The following IRX2 variants were observed in gnomAD, a reference collection of about 807,000 sequenced individuals.
The protein encoded by IRX2 is iroquois-class homeodomain protein IRX-2.
In IRX2, 26 loss-of-function variants were observed where a neutral mutation model predicts 42.9. That is an observed-to-expected ratio of 0.61 (90% CI 0.44 to 0.84). The LOEUF is 0.84. Ranked by LOEUF, IRX2 falls within the 40% of genes least tolerant of loss-of-function variation. The pLI is 0.00. For synonymous variants in IRX2, 424 were observed against 353.9 expected (o/e 1.20, Z -2.22); for missense variants, 782 against 713.9 (o/e 1.10, Z -1.09).
chr5:2,751,207 C>T lies in IRX2; in HGVS notation c.207G>A (p.Ser69=). The part of the protein sequence containing the change: ...ATGFGSPLQY[S]ADAAAAAAGF... ...CGGCGGCGGCGGCGGCGGCGTCGGC[C>T]GAGTACTGCAGCGGGCTCCCGAAGC... is the stretch of plus-strand genomic sequence containing the variant. Residue 69 remains serine, a synonymous_variant, in exon 1 of 4, where the codon TCG becomes TCA. Transcript: ENST00000302057. The surrounding 1 kb of genome is among the most constrained non-coding windows in gnomAD (Gnocchi z 4.0). 7.6e-7 allele frequency: 1 copy of T among 1,311,204 alleles called. No individual in the cohort carries two copies. The highest frequency in any genetic ancestry group is 9.7e-7 in the Non-Finnish European group (1 of 1,031,960). The allele number at this position is 1,311,204 out of a possible 1,614,324, so 81.2% of individuals were successfully genotyped here. A position where few individuals can be genotyped will look rare whatever the true frequency, so the allele number is the denominator to read the frequency against.
At chr5:2,735,654 A>G in the IRX2 span, among the ~76,000 whole-genome samples, 1 of 152,232 alleles carries the variant, frequency 6.6e-6, no homozygotes, top group Admixed American at 6.5e-5. Context: ...ATTTTTTAAA[A>G]AATCAAACAT....
chr5:2,748,584 G>A lies in IRX2; in HGVS notation c.1124C>T (p.Ser375Leu). ...APPGGSPYPA[S>L]PLLGRPLYYT... is the part of the protein sequence containing the mutation. ...GTAGAGGGGGCGGCCCAGCAGCGGC[G>A]AGGCAGGGTAGGGCGAGCCTCCTGG... Residue 375 changes from serine to leucine, a missense_variant, in exon 3 of 4, where the codon TCG becomes TTG. By Grantham distance (145) the Ser-to-Leu change is moderately radical (BLOSUM62 -2). Coordinates refer to ENST00000302057, the MANE Select transcript of IRX2 (RefSeq NM_033267.5). 3 of 1,556,778 alleles carry A rather than the reference G, an allele frequency of 1.9e-6. No individual in the cohort carries two copies. Among genetic ancestry groups the A allele is most frequent in the East Asian group, 2.7e-5 (1 of 37,582 alleles).
the IRX2 span, among the ~76,000 whole-genome samples, chr5:2,735,748 G>A: frequency 3.9e-5 from 6 of 152,290 alleles, no homozygotes; most frequent in African/African-American, 1.4e-4. Flanking sequence ...GAAGTTAGAA[G>A]GAAACTGAGA....
At position 2,748,973 on chromosome 5, in the gene IRX2, G is replaced by T. The variant is rs547689845; in HGVS notation, c.735C>A (p.Ala245=). Residue 245 remains alanine (A), a synonymous_variant, in exon 3 of 4, where the codon GCC becomes GCA. Transcript: ENST00000302057. ...AGCCCGATTCGCACAGGGGGTCCCC[G>T]GCGCGGCACGGAAGCTTCTCCCCGT... is the stretch of plus-strand genomic sequence containing the variant. ...ESDGEKLPCR[A]GDPLCESGSE... 9.4e-6 allele frequency: 15 copies of T among 1,597,340 alleles called. No individual in the cohort carries two copies. In the East Asian group the frequency reaches 3.1e-4, roughly 33 times the overall value.
At chr5:2,745,988 G>A (rs1378532258), downstream of IRX2, 2 of 146,546 alleles carry the variant, frequency 1.4e-5, no homozygotes, top group Admixed American at 6.9e-5. Context: ...TGTTTCTCCC[G>A]ATTATATACT....
At chr5:2,740,691 G>A in the IRX2 span, among the ~76,000 whole-genome samples, 3 of 152,206 alleles carry the variant, frequency 2.0e-5, no homozygotes, top group African/African-American at 4.8e-5. Flanking sequence ...ACGCGCCTGC[G>A]GGGAAGGACG....
chr5:2,751,301 C>CGCGCCAGCTCCTCGCT lies in IRX2; in HGVS notation c.97_112dup (p.Arg38GlnfsTer157). On this transcript the variant is annotated frameshift_variant, in exon 1 of 4. Coordinates refer to ENST00000302057, the MANE Select transcript of IRX2 (RefSeq NM_033267.5). LOFTEE classifies it high-confidence loss of function. The surrounding 1 kb of genome is among the most constrained non-coding windows in gnomAD (Gnocchi z 4.0). ...GCTGAACGCCGAGCCCGACGCCGAG[C>CGCGCCAGCTCCTCGCT]GCGCCAGCTCCTCGCTGCGCGGAGC... 1 of 1,432,718 alleles carries CGCGCCAGCTCCTCGCT rather than the reference C, an allele frequency of 7.0e-7. No individual in the cohort carries two copies. The highest frequency in any genetic ancestry group is 9.1e-7 in the Non-Finnish European group (1 of 1,093,242). 88.8% of individuals were successfully genotyped at this position (1,432,718 alleles called of 1,614,324 possible). A position where few individuals can be genotyped will look rare whatever the true frequency, so the allele number is the denominator to read the frequency against.
the IRX2 span, among the ~76,000 whole-genome samples, chr5:2,737,520 G>T: frequency 6.6e-6 from 1 of 152,328 alleles, no homozygotes; most frequent in Admixed American, 6.5e-5. Context: ...GCTTTCAGGG[G>T]CAGTCATTTG....
chr5:2,739,194 G>A, the IRX2 span, among the ~76,000 whole-genome samples: 3 of 152,244 alleles, frequency 2.0e-5, no homozygotes, highest in Admixed American at 2.0e-4. Context: ...GGGGCCCGCG[G>A]GGAGCGGTGC....
rs145305475 is a variant in IRX2 at position 2,750,215 on chromosome 5, A to G, written c.250-428T>C. 2.6e-5 allele frequency among the ~76,000 whole-genome samples: 4 copies of G among 152,230 alleles called. No individual in the cohort carries two copies. The East Asian group carries it at 7.8e-4, about 30-fold the overall frequency. On this transcript the variant is annotated intron_variant, in intron 1 of 3. Coordinates refer to ENST00000302057, the MANE Select transcript of IRX2 (RefSeq NM_033267.5). ...TTAAAAAAACACCCCAGAGCCCCCA[A>G]TTCACTATTCACTGCTCTAAAGCTG...
In IRX2 at chr5:2,751,038, A is replaced by C. The variant is rs1220232356; in HGVS notation, c.249+127T>G. On this transcript the variant is annotated intron_variant, in intron 1 of 3. Coordinates refer to ENST00000302057, the MANE Select transcript of IRX2 (RefSeq NM_033267.5). This position sits in a 1 kb window ranked among gnomAD's most constrained non-coding sequence, Gnocchi z 4.0. ...TGCGGGGCGGCCAACCGAGCCGGCG[A>C]CTCCTGAGTCGCCAGCCGCGCCACA... 9.2e-7 allele frequency: 1 copy of C among 1,086,500 alleles called. No homozygotes were observed. Among genetic ancestry groups the C allele is most frequent in the Non-Finnish European group, 1.1e-6 (1 of 874,702 alleles). The allele number at this position is 1,086,500 out of a possible 1,614,324, so 67.3% of individuals were successfully genotyped here. A position where few individuals can be genotyped will look rare whatever the true frequency, so the allele number is the denominator to read the frequency against.
At chr5:2,744,049 G>A (rs547492925), downstream of IRX2, among the ~76,000 whole-genome samples, 13 of 150,724 alleles carry the variant, frequency 8.6e-5, no homozygotes, top group South Asian at 2.3e-3. Context: ...ATTGAAATAT[G>A]CATGTCCTCC....
At chr5:2,743,362 G>C (rs577181625), downstream of IRX2, among the ~76,000 whole-genome samples, 7 of 152,192 alleles carry the variant, frequency 4.6e-5, no homozygotes, top group East Asian at 1.9e-4. Context: ...ACGGGCGCGG[G>C]AGGCAGCGCC....
intron 2 of IRX2, 128 bp from the exon 3 acceptor site, chr5:2,749,180 G>C (rs576909639): frequency 5.4e-6 from 8 of 1,476,054 alleles, no homozygotes; most frequent in Non-Finnish European, 7.1e-6. Flanking sequence ...ACCCGGCCAC[G>C]TGACAGGCGG....
At position 2,749,501 on chromosome 5, in the gene IRX2, G is replaced by C; in HGVS notation, c.536C>G (p.Thr179Ser). 2 of 1,614,202 alleles carry C rather than the reference G, an allele frequency of 1.2e-6. No homozygotes were observed. The highest frequency in any genetic ancestry group is 1.7e-6 in the Non-Finnish European group (2 of 1,180,026). ...RRRLKKENKM[T>S]WAPRNKSEDE... ...TTCGCTTTTGTTTCTCGGGGCCCAG[G>C]TCATCTTGTTCTCCTTCTTGAGGCG... Residue 179 changes from threonine to serine, a missense_variant, in exon 2 of 4, where the codon ACC becomes AGC. By Grantham distance (58) the Thr-to-Ser change is moderately conservative (BLOSUM62 1). Transcript: ENST00000302057.
chr5:2,743,743 A>T (rs895630040), downstream of IRX2, among the ~76,000 whole-genome samples: 6 of 148,564 alleles, frequency 4.0e-5, no homozygotes, highest in Non-Finnish European at 5.9e-5. Context: ...TTCCCTCTCC[A>T]GTGAAAGATA....
chr5:2,745,847 G>A (rs1028560034), downstream of IRX2: 5 of 152,090 alleles, frequency 3.3e-5, no homozygotes, highest in African/African-American at 1.2e-4. Context: ...AAAATGCATA[G>A]GGTGTCAGAT....
Position 2,749,750 on chromosome 5 carries a change from C to A in IRX2, c.287G>T (p.Gly96Val). 6.2e-7 allele frequency: 1 copy of A among 1,612,262 alleles called. No individual in the cohort carries two copies. Among genetic ancestry groups the A allele is most frequent in the Non-Finnish European group, 8.5e-7 (1 of 1,179,280 alleles). Reference sequence around the variant, plus strand: ...GCCGTACGGGTGGTAGCTGATGGCGCCGGTCATGCCGGTGGTGTGCGCGTC... The same window carrying A: ...GCCGTACGGGTGGTAGCTGATGGCGACGGTCATGCCGGTGGTGTGCGCGTC... ...PYDAHTTGMTGAISYHPYGSA... is the reference protein window; with the variant it reads ...PYDAHTTGMTVAISYHPYGSA... The change falls in exon 2 of 4, where the codon GGC becomes GTC. Residue 96 changes from glycine (G) to valine (V), a missense_variant. Physicochemically the swap from Gly to Val is moderately radical, Grantham distance 109 (BLOSUM62 -3). Transcript: ENST00000302057.
downstream of IRX2, among the ~76,000 whole-genome samples, chr5:2,742,804 A>G (rs910793744): frequency 2.6e-5 from 4 of 151,494 alleles, no homozygotes; most frequent in African/African-American, 9.7e-5. Flanking sequence ...GTTTGGAACA[A>G]TTTTTTTTTC....
Sources: gnomAD v4.1 joint callset for allele counts (sites outside exome capture counted in the v4.1 genomes callset) on GRCh38, gnomAD v4.1.1 for gene constraint, Gnocchi (gnomAD v3.1) non-coding constraint, MANE v1.5 for transcripts, NCBI Gene and HGNC (gene_info 2026-07-23, HGNC 2026-07-21) for gene names.